LINGO1: variants seen among roughly 807,000 people sequenced by gnomAD.
LINGO1 encodes the protein leucine rich repeat and Ig domain containing 1.
In LINGO1, 11 loss-of-function variants were observed where a neutral mutation model predicts 37.3. The ratio of observed to expected loss-of-function variants is 0.29; its 90% CI spans 0.19 to 0.49. The LOEUF is 0.49. Ranked by LOEUF, LINGO1 falls within the 20% of genes least tolerant of loss-of-function variation. LINGO1 has a pLI of 0.99. For missense variants in LINGO1, 585 were observed against 878.2 expected (o/e 0.67, Z 4.22); for synonymous variants, 387 against 403.0 (o/e 0.96, Z 0.48).
intron 2 of LINGO1, among the ~76,000 whole-genome samples, chr15:77,715,578 C>T (rs1458782748): frequency 6.6e-6 from 1 of 152,180 alleles, no homozygotes. Flanking sequence ...CTTGGGTAAC[C>T]CCGGGCAAGT....
At chr15:77,623,978 G>A (rs1362597614) in intron 1 of LINGO1, among the ~76,000 whole-genome samples, 1 of 149,914 alleles carries the variant, frequency 6.7e-6, no homozygotes, top group Non-Finnish European at 1.5e-5. Flanking sequence ...TGTGGCCTGT[G>A]TGTGTGTGTG....
At chr15:77,815,104 C>T (rs1045123963) in intron 1 of LINGO1, among the ~76,000 whole-genome samples, 3 of 152,242 alleles carry the variant, frequency 2.0e-5, no homozygotes, top group East Asian at 1.9e-4. Flanking sequence ...AGCCTCCTCT[C>T]GCCCTGACCC....
intron 1 of LINGO1, among the ~76,000 whole-genome samples, chr15:77,814,021 C>T (rs1264206235): frequency 6.6e-6 from 1 of 152,156 alleles, no homozygotes; most frequent in Non-Finnish European, 1.5e-5. Context: ...TCAGCCCCTC[C>T]CTGTGCTGGG....
intron 2 of LINGO1, among the ~76,000 whole-genome samples, chr15:77,678,763 C>A (rs2075367926): frequency 6.6e-6 from 1 of 152,218 alleles, no homozygotes; most frequent in African/African-American, 2.4e-5. Context: ...GTTGGCTATA[C>A]CATTTTGCAT....
intron 1 of LINGO1, among the ~76,000 whole-genome samples, chr15:77,782,734 A>C (rs1596226521): frequency 3.1e-5 from 4 of 131,138 alleles, no homozygotes; most frequent in East Asian, 2.2e-4. Flanking sequence ...CTGCACCCCC[A>C]CCCTGTGGCC....
intron 1 of LINGO1, among the ~76,000 whole-genome samples, chr15:77,621,356 A>G (rs1390454441): frequency 6.6e-6 from 1 of 152,170 alleles, no homozygotes; most frequent in Non-Finnish European, 1.5e-5. Flanking sequence ...TGCCCAGCTG[A>G]GGTTTGGGGC....
At chr15:77,689,436 C>G (rs199512209) in intron 2 of LINGO1, among the ~76,000 whole-genome samples, 1 of 152,194 alleles carries the variant, frequency 6.6e-6, no homozygotes, top group African/African-American at 2.4e-5. Context: ...ACCCTGTCCC[C>G]CAGCTGCCCA....
intron 1 of LINGO1, among the ~76,000 whole-genome samples, chr15:77,775,570 T>G (rs1024938054): frequency 6.6e-6 from 1 of 152,092 alleles, no homozygotes; most frequent in Non-Finnish European, 1.5e-5. Flanking sequence ...GCTCTGGTAG[T>G]GTGGGCCCAC....
At chr15:77,787,283 G>C (rs2076781278), upstream of LINGO1, 1 of 152,298 alleles carries the variant, frequency 6.6e-6, no homozygotes, top group Non-Finnish European at 1.5e-5. Context: ...ACCATCCTTA[G>C]CAAATCCCAA....
chr15:77,722,157 G>A (rs1175160888), intron 2 of LINGO1, among the ~76,000 whole-genome samples: 1 of 152,186 alleles, frequency 6.6e-6, no homozygotes, highest in Non-Finnish European at 1.5e-5. Context: ...ATCTTAAATA[G>A]GAGCCTGCAA....
chr15:77,643,836 A>C (rs1398126084), intron 3 of LINGO1, among the ~76,000 whole-genome samples: 4 of 152,152 alleles, frequency 2.6e-5, no homozygotes, highest in Non-Finnish European at 4.4e-5. Context: ...CAGCATGGGA[A>C]AGGGCAGGGG....
In LINGO1 at chr15:77,724,011, A is replaced by C. The variant is rs1308435440; in HGVS notation, c.-195+10981T>G. ...CTCCCCCTGCCTCAGTAGGAGGAGG[A>C]ACACAGAAATAGCCGGGCGTGCGTG... On this transcript the variant is annotated intron_variant, in intron 2 of 3. Transcript: ENST00000561686. Among the ~76,000 whole-genome samples, 5 of 152,292 alleles carry C rather than the reference A, an allele frequency of 3.3e-5. No individual in the cohort carries two copies. The East Asian group carries it at 9.7e-4, about 29-fold the overall frequency.
rs557614551 is a variant in LINGO1 at position 77,792,114 on chromosome 15, C to T, written c.-343+3825G>A. On this transcript the variant is annotated intron_variant, in intron 2 of 5. Coordinates refer to the LINGO1 transcript ENST00000562933. ...TCTGTGCAGCCTCCCCTCATGATGC[C>T]GGCACCTCAAACACTTCCAAGCAGG... 9.9e-5 allele frequency among the ~76,000 whole-genome samples: 15 copies of T among 152,268 alleles called. No individual in the cohort carries two copies. In the South Asian group the frequency reaches 2.9e-3, roughly 29 times the overall value.
intron 3 of LINGO1, among the ~76,000 whole-genome samples, chr15:77,663,703 C>T (rs865954439): frequency 1.1e-3 from 161 of 152,350 alleles, no homozygotes; most frequent in African/African-American, 3.6e-3. Context: ...TGCGCTTACA[C>T]GCCCCAGTTC....
chr15:77,739,365 T>TTG (rs2076237574), intron 1 of LINGO1, among the ~76,000 whole-genome samples: 1 of 152,158 alleles, frequency 6.6e-6, no homozygotes, highest in Non-Finnish European at 1.5e-5. Context: ...CTCTTGCTGT[T>TTG]TGGAGCTTTT....
intron 1 of LINGO1, among the ~76,000 whole-genome samples, chr15:77,746,170 T>C (rs2076312382): frequency 7.0e-6 from 1 of 142,678 alleles, no homozygotes; most frequent in Non-Finnish European, 1.5e-5. Context: ...TTCATGCCAC[T>C]GCACTCTAGC....
chr15:77,744,892 G>C (rs2076298175), intron 1 of LINGO1, among the ~76,000 whole-genome samples: 2 of 148,370 alleles, frequency 1.3e-5, no homozygotes, highest in African/African-American at 2.5e-5. Flanking sequence ...AAAGCAGGGG[G>C]ATGACTTGAG....
At chr15:77,810,478 C>T (rs976611032) in intron 1 of LINGO1, among the ~76,000 whole-genome samples, 3 of 152,186 alleles carry the variant, frequency 2.0e-5, no homozygotes, top group East Asian at 3.8e-4. Context: ...TCCAGCCTCC[C>T]GGCTCTGTAC....
At position 77,730,060 on chromosome 15, in the gene LINGO1, G is replaced by A. The variant is rs575233121; in HGVS notation, c.-195+4932C>T. Among the ~76,000 whole-genome samples, 8 of 152,142 alleles carry A rather than the reference G, an allele frequency of 5.3e-5. No homozygotes were observed. The East Asian group carries it at 9.6e-4, about 18-fold the overall frequency. ...ATGAAAAACTCAGGACTGGAGGTCC[G>A]GGGTTGGGAGCGTTGTGGGGGGAGT... On this transcript the variant is annotated intron_variant, in intron 2 of 3. Coordinates refer to the LINGO1 transcript ENST00000561686.
Sources: gnomAD v4.1 joint callset for allele counts (sites outside exome capture counted in the v4.1 genomes callset) on GRCh38, gnomAD v4.1.1 for gene constraint, MANE v1.5 for transcripts, NCBI Gene and HGNC (gene_info 2026-07-23, HGNC 2026-07-21) for gene names.